Variants in SEMA3A observed in about 807,000 individuals in gnomAD.
SEMA3A encodes semaphorin-3A.
A neutral mutation model predicts 97.9 loss-of-function variants in SEMA3A; 29 were observed. That is an observed-to-expected ratio of 0.30 (90% CI 0.22 to 0.40). The LOEUF (loss-of-function observed/expected upper bound fraction) is 0.40, where lower values mean the gene tolerates loss of function less well. Among genes scored for constraint, SEMA3A ranks in the 10% least tolerant of loss-of-function variants. The pLI is 1.00. For synonymous variants in SEMA3A, 321 were observed against 323.7 expected (o/e 0.99, Z 0.09); for missense variants, 763 against 951.3 (o/e 0.80, Z 2.60).
chr7:84,155,838 A>G (rs139021798), intron 1 of SEMA3A, among the ~76,000 whole-genome samples: 1,815 of 152,222 alleles, frequency 0.012, 27 homozygotes, highest in South Asian at 0.02. Context: ...CTGTAGGGTA[A>G]AAGAAGATTC....
intron 1 of SEMA3A, among the ~76,000 whole-genome samples, chr7:84,159,038 C>A (rs1435879025): frequency 6.6e-6 from 1 of 151,588 alleles, no homozygotes; most frequent in Non-Finnish European, 1.5e-5. Flanking sequence ...AAAAAAAAAA[C>A]CTTCATGTTA....
chr7:83,993,435 A>T (rs1353248859), intron 12 of SEMA3A, among the ~76,000 whole-genome samples: 1 of 151,500 alleles, frequency 6.6e-6, no homozygotes, highest in South Asian at 2.1e-4. Context: ...TTTTGGCATG[A>T]TTTTGCAGTG....
At chr7:84,055,853 A>G (rs182933343) in intron 5 of SEMA3A, among the ~76,000 whole-genome samples, 4 of 152,358 alleles carry the variant, frequency 2.6e-5, no homozygotes, top group South Asian at 2.1e-4. Context: ...TTCAAATGAC[A>G]TTATAATTGA....
intron 1 of SEMA3A, among the ~76,000 whole-genome samples, chr7:84,395,136 GT>G (rs1178920378): frequency 1.3e-5 from 2 of 152,014 alleles, no homozygotes; most frequent in Non-Finnish European, 2.9e-5. Context: ...AATTTCTTAT[GT>G]CACTAGTATT....
chr7:84,148,713 C>T (rs1796538465), intron 1 of SEMA3A, among the ~76,000 whole-genome samples: 1 of 152,126 alleles, frequency 6.6e-6, no homozygotes, highest in African/African-American at 2.4e-5. Flanking sequence ...CTCTGCCACC[C>T]CTAACACAGC....
chr7:83,974,936 C>T (rs1028877970), intron 15 of SEMA3A, among the ~76,000 whole-genome samples: 2 of 152,094 alleles, frequency 1.3e-5, no homozygotes, highest in African/African-American at 4.8e-5. Flanking sequence ...TGAACAGTTG[C>T]ACTTTCTCTT....
At chr7:83,998,526 A>G (rs1053258231) in intron 12 of SEMA3A, among the ~76,000 whole-genome samples, 3 of 152,298 alleles carry the variant, frequency 2.0e-5, no homozygotes, top group East Asian at 1.9e-4. Context: ...GGACATTGCT[A>G]TACACTACTG....
intron 1 of SEMA3A, among the ~76,000 whole-genome samples, chr7:84,377,061 A>G (rs1803123011): frequency 1.3e-5 from 2 of 152,088 alleles, no homozygotes; most frequent in Non-Finnish European, 2.9e-5. Context: ...GGTTGCTTGT[A>G]TTTTTGAGAT....
intron 15 of SEMA3A, among the ~76,000 whole-genome samples, chr7:83,970,475 A>G (rs1275314973): frequency 6.6e-6 from 1 of 152,138 alleles, no homozygotes; most frequent in African/African-American, 2.4e-5. Context: ...CTCCATTTTA[A>G]CCCCATAAAT....
chr7:84,448,242 A>C (rs77209522), intron 1 of SEMA3A, among the ~76,000 whole-genome samples: 2,559 of 152,328 alleles, frequency 0.017, 45 homozygotes, highest in South Asian at 0.03. Context: ...TGGCTGGCGA[A>C]GTGACACCCC....
upstream of SEMA3A, among the ~76,000 whole-genome samples, chr7:84,197,194 A>G (rs557973824): frequency 1.2e-4 from 19 of 152,080 alleles, no homozygotes; most frequent in Non-Finnish European, 2.2e-4. Flanking sequence ...TATACACACG[A>G]TTTTTTATAA....
intron 1 of SEMA3A, among the ~76,000 whole-genome samples, chr7:84,170,175 T>C (rs1306541487): frequency 6.6e-6 from 1 of 151,992 alleles, no homozygotes; most frequent in Non-Finnish European, 1.5e-5. Context: ...CACTGCCTGG[T>C]GCTCTCAGTT....
chr7:84,425,400 C>T (rs1166126006), intron 1 of SEMA3A, among the ~76,000 whole-genome samples: 2 of 127,204 alleles, frequency 1.6e-5, no homozygotes, highest in African/African-American at 2.9e-5. Context: ...AATATATTCA[C>T]ATAAATATAT....
chr7:84,061,583 A>C (rs1177130731), intron 4 of SEMA3A, among the ~76,000 whole-genome samples: 2 of 152,170 alleles, frequency 1.3e-5, no homozygotes, highest in Non-Finnish European at 2.9e-5. Context: ...CAATTTCTCT[A>C]CTATTCACAT....
chr7:84,060,669 G>A (rs762080258), intron 4 of SEMA3A, 111 bp from the exon 5 acceptor site: 6 of 637,078 alleles, frequency 9.4e-6, no homozygotes, highest in Non-Finnish European at 1.5e-5. Flanking sequence ...CAACACAAGA[G>A]TTATTTTTAT....
intron 1 of SEMA3A, among the ~76,000 whole-genome samples, chr7:84,481,022 G>C (rs1040376158): frequency 6.6e-6 from 1 of 152,188 alleles, no homozygotes; most frequent in Non-Finnish European, 1.5e-5. Flanking sequence ...GAGGGTGACT[G>C]TTTTTGAAAG....
At chr7:84,004,596 T>C (rs1790589285) in intron 11 of SEMA3A, among the ~76,000 whole-genome samples, 1 of 152,178 alleles carries the variant, frequency 6.6e-6, no homozygotes, top group African/African-American at 2.4e-5. Flanking sequence ...ATTTGAGTAA[T>C]ATATCTTTGT....
rs941546287 is a variant in SEMA3A at position 84,472,584 on chromosome 7, T to C, written c.-246+19876A>G. On this transcript the variant is annotated intron_variant, in intron 1 of 3. Transcript: ENST00000424555. ...GTCACCACATTTCTATCAGATACAA[T>C]GTTCAATGTTTGTCAAATTTCAAAA... 2.4e-4 allele frequency among the ~76,000 whole-genome samples: 37 copies of C among 152,212 alleles called. 1 individual carries two copies. Among genetic ancestry groups the C allele is most frequent in the Non-Finnish European group, 4.7e-4 (32 of 68,034 alleles).
intron 6 of SEMA3A, among the ~76,000 whole-genome samples, chr7:84,017,922 T>C (rs1389737088): frequency 1.3e-5 from 2 of 152,192 alleles, no homozygotes; most frequent in Non-Finnish European, 2.9e-5. Context: ...CAGATTTTTT[T>C]CCCTTTGTCC....
Sources: gnomAD v4.1 joint callset for allele counts (sites outside exome capture counted in the v4.1 genomes callset) on GRCh38, gnomAD v4.1.1 for gene constraint, MANE v1.5 for transcripts, NCBI Gene and HGNC (gene_info 2026-07-23, HGNC 2026-07-21) for gene names.